The following PEX13 variants were observed in gnomAD, a reference collection of about 807,000 sequenced individuals.
PEX13 encodes the protein peroxisomal biogenesis factor 13, also known as peroxisome biogenesis factor 13.
A neutral mutation model predicts 34.5 loss-of-function variants in PEX13; 28 were observed. The observed-to-expected ratio is 0.81, with a 90% CI of 0.60 to 1.11. PEX13 has a LOEUF of 1.11. Ranked by LOEUF, PEX13 falls within the 50% of genes most tolerant of loss-of-function variation. The pLI is 0.00. For missense variants in PEX13, 550 were observed against 491.0 expected (o/e 1.12, Z -1.13); for synonymous variants, 177 against 175.1 (o/e 1.01, Z -0.09).
rs530201486 is a variant in PEX13 at position 61,018,519 on chromosome 2, T to C, written c.92+668T>C. On this transcript the variant is annotated intron_variant, in intron 1 of 3. Transcript: ENST00000295030. ...CAGTATCAGTTGGTTTCTAGGACTTTAAAAAGGCTAAAACATGCAGAGTTG... is the reference window on the plus strand; with the variant it reads ...CAGTATCAGTTGGTTTCTAGGACTTCAAAAAGGCTAAAACATGCAGAGTTG... 2.1e-5 allele frequency: 8 copies of C among 389,228 alleles called. No homozygotes were observed. The South Asian group carries it at 2.5e-4, about 12-fold the overall frequency. 24.1% of individuals were successfully genotyped at this position (389,228 alleles called of 1,614,324 possible). A position where few individuals can be genotyped will look rare whatever the true frequency, so the allele number is the denominator to read the frequency against.
Position 61,017,763 on chromosome 2 carries a change from G to C in PEX13, c.4G>C (p.Ala2Pro), listed in dbSNP as rs1258736139. 2 of 1,549,440 alleles carry C rather than the reference G, an allele frequency of 1.3e-6. No homozygotes were observed. Among genetic ancestry groups the C allele is most frequent in the Middle Eastern group, 1.8e-4 (1 of 5,538 alleles). M[A>P]SQPPPPPKPW... ...GAGCCGAGAGGAGGCGGAGGAGATG[G>C]CGTCCCAGCCGCCACCTCCCCCCAA... is the stretch of plus-strand genomic sequence containing the variant. Residue 2 changes from alanine to proline, a missense_variant, in exon 1 of 4, where the codon GCG becomes CCG. Transcript: ENST00000295030.
In PEX13 at chr2:61,045,745, T is replaced by A. The variant is rs1680695699; in HGVS notation, c.807T>A (p.Ser269Arg). Residue 269 changes from serine (S) to arginine (R), a missense_variant, in exon 3 of 4, where the codon AGT becomes AGA. Transcript: ENST00000295030. ...TTATAGACAGCATCAACTGGGCAAG[T>A]GGTGAGGATGACCATGTAGTTGCCA... ...DEVTDSINWA[S>R]GEDDHVVARA... The A allele has an allele frequency of 6.2e-7, 1 of 1,613,310 alleles. No individual in the cohort carries two copies. The highest frequency in any genetic ancestry group is 8.5e-7 in the Non-Finnish European group (1 of 1,179,394).
rs748522695 is a variant in PEX13 at position 61,018,121 on chromosome 2, G to A, written c.92+270G>A. On this transcript the variant is annotated intron_variant, in intron 1 of 3. Coordinates refer to ENST00000295030, the MANE Select transcript of PEX13 (RefSeq NM_002618.4). ...GGGTCTCTGTGCTTGAAAGAAAGGG[G>A]GGCGGCTTCCTACCTACCGCTTCTG... The A allele has an allele frequency of 2.6e-6, 4 of 1,547,510 alleles. No individual in the cohort carries two copies. In the African/African-American group the frequency reaches 5.5e-5, roughly 21 times the overall value.
intron 1 of PEX13, among the ~76,000 whole-genome samples, chr2:61,020,844 G>C (rs1450253102): frequency 6.6e-6 from 1 of 151,904 alleles, no homozygotes; most frequent in African/African-American, 2.4e-5. Context: ...TAATAGAGAT[G>C]GGGTTTCACT....
At chr2:61,023,696 A>G (rs1181243841) in intron 1 of PEX13, among the ~76,000 whole-genome samples, 1 of 150,922 alleles carries the variant, frequency 6.6e-6, no homozygotes, top group East Asian at 1.9e-4. Context: ...TGCCTTCTCA[A>G]CATTGTCATC....
intron 3 of PEX13, among the ~76,000 whole-genome samples, chr2:61,046,758 C>T (rs916367677): frequency 6.6e-6 from 1 of 152,158 alleles, no homozygotes; most frequent in South Asian, 2.1e-4. Flanking sequence ...GTGCTTTTAA[C>T]AACTCTGGCT....
At chr2:61,023,016 T>C (rs1680289709) in intron 1 of PEX13, among the ~76,000 whole-genome samples, 1 of 151,936 alleles carries the variant, frequency 6.6e-6, no homozygotes, top group African/African-American at 2.4e-5. Context: ...AATTTCCTTT[T>C]TTTTTTCAGA....
At chr2:61,045,336 G>T (rs1278286320) in intron 2 of PEX13, among the ~76,000 whole-genome samples, 1 of 152,058 alleles carries the variant, frequency 6.6e-6, no homozygotes, top group Non-Finnish European at 1.5e-5. Flanking sequence ...TTACCAAAAA[G>T]AAACATGGTT....
chr2:61,020,944 T>C (rs963197906), intron 1 of PEX13, among the ~76,000 whole-genome samples: 11 of 152,152 alleles, frequency 7.2e-5, no homozygotes, highest in African/African-American at 2.7e-4. Flanking sequence ...TGTGAGTCAC[T>C]ATGCCCAGCC....
intron 2 of PEX13, among the ~76,000 whole-genome samples, chr2:61,035,553 G>A (rs190418349): frequency 1.6e-4 from 25 of 152,256 alleles, no homozygotes; most frequent in African/African-American, 4.1e-4. Flanking sequence ...CTAACCCATC[G>A]CAAGGAAGCT....
rs1479060811 is a variant in PEX13 at position 61,051,601 on chromosome 2, T to C, written c.*2831T>C. On this transcript the variant is annotated 3_prime_UTR_variant, in exon 4 of 4. Transcript: ENST00000295030. ...ACAGTTTTAGAATAATTTTTTTAGCTGAGATTAAATGTTCAAGGCTCCAAT... is the reference window on the plus strand; with the variant it reads ...ACAGTTTTAGAATAATTTTTTTAGCCGAGATTAAATGTTCAAGGCTCCAAT... The C allele has an allele frequency of 6.6e-6, 1 of 152,322 alleles. No homozygotes were observed. Among genetic ancestry groups the C allele is most frequent in the East Asian group, 1.9e-4 (1 of 5,330 alleles). The allele number at this position is 152,322 out of a possible 1,614,324, so 9.4% of individuals were successfully genotyped here.
At chr2:61,019,227 G>A (rs1453716358) in intron 1 of PEX13, 1 of 151,582 alleles carries the variant, frequency 6.6e-6, no homozygotes, top group African/African-American at 2.4e-5. Flanking sequence ...CTAATTACAT[G>A]TTACTATTTA....
intron 1 of PEX13, among the ~76,000 whole-genome samples, chr2:61,019,581 G>A (rs866112408): frequency 1.3e-5 from 2 of 152,074 alleles, no homozygotes; most frequent in East Asian, 3.8e-4. Flanking sequence ...AACTGACTTT[G>A]TATAAAAATC....
At chr2:61,017,955 T>C in intron 1 of PEX13, 104 bp downstream of exon 1, 1 of 1,364,646 alleles carries the variant, frequency 7.3e-7, no homozygotes, top group Non-Finnish European at 1.0e-6. Flanking sequence ...TTCCCCCCTT[T>C]AACCAATACC....
chr2:61,034,327 C>T (rs149504702), intron 2 of PEX13, among the ~76,000 whole-genome samples: 14 of 152,232 alleles, frequency 9.2e-5, no homozygotes, highest in African/African-American at 3.1e-4. Flanking sequence ...TACCTTTTTG[C>T]GGGCAGTCGC....
intron 2 of PEX13, among the ~76,000 whole-genome samples, chr2:61,037,563 C>G (rs1188976112): frequency 1.3e-5 from 2 of 152,074 alleles, no homozygotes; most frequent in Non-Finnish European, 2.9e-5. Flanking sequence ...TCTTTCAAAC[C>G]AAGGAAAACA....
At chr2:61,034,986 C>T (rs910721366) in intron 2 of PEX13, among the ~76,000 whole-genome samples, 4 of 152,226 alleles carry the variant, frequency 2.6e-5, no homozygotes, top group Non-Finnish European at 4.4e-5. Context: ...GCACAGTGTG[C>T]GAGCTCCAAG....
chr2:61,034,689 G>A (rs978232636), intron 2 of PEX13, among the ~76,000 whole-genome samples: 8 of 152,216 alleles, frequency 5.3e-5, no homozygotes, highest in Non-Finnish European at 7.3e-5. Context: ...CCATGCCCAC[G>A]GAGCCTTGCT....
At chr2:61,018,310 A>T in intron 1 of PEX13, 1 of 1,549,016 alleles carries the variant, frequency 6.5e-7, no homozygotes, top group Non-Finnish European at 8.7e-7. Context: ...GGTTTTACGC[A>T]ACAGGAACTC....
Sources: gnomAD v4.1 joint callset for allele counts (sites outside exome capture counted in the v4.1 genomes callset) on GRCh38, gnomAD v4.1.1 for gene constraint, MANE v1.5 for transcripts, NCBI Gene and HGNC (gene_info 2026-07-23, HGNC 2026-07-21) for gene names.